The following ATG13 variants were observed in gnomAD, a reference collection of about 807,000 sequenced individuals.
ATG13 encodes autophagy-related protein 13.
ATG13 carries 23 observed loss-of-function variants against 65.5 expected under a neutral mutation model. The observed-to-expected ratio is 0.35, with a 90% confidence interval of 0.25 to 0.50. The LOEUF (loss-of-function observed/expected upper bound fraction) is 0.50. ATG13 is among the 20% of genes least tolerant of loss of function. The probability of loss-of-function intolerance (pLI) is 0.98; values close to 1 mark genes in which losing one functional copy is unlikely to be tolerated. For missense variants in ATG13, 566 were observed against 677.0 expected, an observed-to-expected ratio of 0.84 and a Z score of 1.82; for synonymous variants, 252 against 245.2, an observed-to-expected ratio of 1.03 and a Z score of -0.26.
intron 10 of ATG13, 92 bp downstream of exon 10, chr11:46,657,714 C>A: frequency 8.4e-7 from 1 of 1,190,394 alleles, no homozygotes; most frequent in Non-Finnish European, 1.2e-6. Context: ...TCAGCACTCA[C>A]TCTCCAGTGG....
chr11:46,663,918 T>A, intron 11 of ATG13, 79 bp from the exon 12 acceptor site: 1 of 1,087,608 alleles, frequency 9.2e-7, no homozygotes, highest in South Asian at 1.5e-5. Context: ...TTCCAGAGTT[T>A]CTTCACTTCT....
rs1565646750 is a variant in ATG13 at position 46,672,240 on chromosome 11, CTCTT to C, written c.1576-12_1576-9del. ...CTGCCTGAATAAACGGCTCTTCCCT[CTCTT>C]TCCGGTACAGGACTCATTACCAGAG... On this transcript the variant is annotated splice_polypyrimidine_tract_variant and intron_variant, in intron 18 of 18. Transcript: ENST00000683050. 6.2e-7 allele frequency: 1 copy of C among 1,614,086 alleles called. No individual in the cohort carries two copies. Among genetic ancestry groups the C allele is most frequent in the South Asian group, 1.1e-5 (1 of 91,080 alleles).
chr11:46,644,185 C>T, intron 2 of ATG13, 94 bp from the exon 3 acceptor site: 1 of 947,610 alleles, frequency 1.1e-6, no homozygotes, highest in East Asian at 2.8e-5. Flanking sequence ...CATGATTATT[C>T]CTAGGCTAGT....
In ATG13 at chr11:46,657,142, A is replaced by G. The variant is rs748079051; in HGVS notation, c.547A>G (p.Ile183Val). Residue 183 changes from isoleucine to valine, a missense_variant, in exon 9 of 19, where the codon ATC becomes GTC. Coordinates refer to ENST00000683050, the MANE Select transcript of ATG13 (RefSeq NM_001346311.2). ...GACAGTGGGCACCCCTGTGGGCACC[A>G]TCACTCTTTCTTGTGCTTACAGAAT... Reference protein sequence around the residue: ...VGTVGTPVGTITLSCAYRINL... With the variant: ...VGTVGTPVGTVTLSCAYRINL... 6.2e-6 allele frequency: 10 copies of G among 1,614,170 alleles called. No homozygotes were observed. In the East Asian group the frequency reaches 8.9e-5, roughly 14 times the overall value.
rs768570722 is a variant in ATG13, at chr11:46,668,464, G to A, written c.1252-35G>A. On this transcript the variant is annotated intron_variant, in intron 15 of 18. Coordinates refer to ENST00000683050, the MANE Select transcript of ATG13 (RefSeq NM_001346311.2). ...AGGAAGCATGAACACTGCAGGAGGG[G>A]CAGGCATGAATGCTTTTCTCCTGTG... 5.0e-6 allele frequency: 8 copies of A among 1,594,692 alleles called. No individual in the cohort carries two copies. In the Admixed American group the frequency reaches 1.3e-4, roughly 27 times the overall value.
At chr11:46,644,477 G>C in intron 3 of ATG13, 117 bp downstream of exon 3, 1 of 847,252 alleles carries the variant, frequency 1.2e-6, no homozygotes, top group South Asian at 2.0e-5. Flanking sequence ...CCCATTTTAA[G>C]GGATACTTCT....
intron 10 of ATG13, among the ~76,000 whole-genome samples, chr11:46,658,333 G>T (rs2060442783): frequency 6.6e-6 from 1 of 152,128 alleles, no homozygotes; most frequent in African/African-American, 2.4e-5. Context: ...TACTTGTTTC[G>T]TGGAGTCTCT....
At chr11:46,652,453 G>A (rs1345615921) in intron 7 of ATG13, among the ~76,000 whole-genome samples, 1 of 152,078 alleles carries the variant, frequency 6.6e-6, no homozygotes, top group Non-Finnish European at 1.5e-5. Context: ...AGTGACTCAC[G>A]CCTATAATCC....
intron 1 of ATG13, among the ~76,000 whole-genome samples, chr11:46,627,774 T>C (rs1378637453): frequency 1.3e-5 from 2 of 152,086 alleles, no homozygotes; most frequent in Non-Finnish European, 2.9e-5. Context: ...CCACCGTGCC[T>C]GGCCTGAATT....
At chr11:46,643,029 T>A (rs1297593366) in intron 2 of ATG13, among the ~76,000 whole-genome samples, 2 of 152,206 alleles carry the variant, frequency 1.3e-5, no homozygotes, top group Non-Finnish European at 2.9e-5. Flanking sequence ...AGTGCCTAGG[T>A]TCAGAGTCAG....
At chr11:46,651,907 C>T (rs940796619) in intron 7 of ATG13, among the ~76,000 whole-genome samples, 1 of 152,104 alleles carries the variant, frequency 6.6e-6, no homozygotes, top group Non-Finnish European at 1.5e-5. Context: ...ACTGCTAGTC[C>T]TTTTCATACC....
intron 17 of ATG13, 59 bp from the exon 18 acceptor site, chr11:46,669,345 A>G: frequency 6.3e-7 from 1 of 1,593,436 alleles, no homozygotes. Flanking sequence ...AGACTTGTTC[A>G]TAGCTTATCT....
chr11:46,671,188 G>A (rs542052259), intron 18 of ATG13, among the ~76,000 whole-genome samples: 1 of 152,088 alleles, frequency 6.6e-6, no homozygotes, highest in African/African-American at 2.4e-5. Flanking sequence ...GTGTCTCCAG[G>A]CCACATTAAA....
intron 7 of ATG13, among the ~76,000 whole-genome samples, chr11:46,650,991 A>G (rs143223486): frequency 6.6e-6 from 1 of 152,346 alleles, no homozygotes. Flanking sequence ...TTTGTCTAAC[A>G]AACTGTTAAC....
chr11:46,623,374 T>C (rs1160680375), intron 1 of ATG13, among the ~76,000 whole-genome samples: 1 of 152,082 alleles, frequency 6.6e-6, no homozygotes, highest in East Asian at 1.9e-4. Context: ...TGGGTGAAAG[T>C]TTTTCTCCAC....
chr11:46,645,311 AT>A (rs1311308233), intron 3 of ATG13, 27 bp from the exon 4 acceptor site: 51 of 1,592,234 alleles, frequency 3.2e-5, no homozygotes, highest in Non-Finnish European at 4.4e-5. Flanking sequence ...TCATTTTAGG[AT>A]TTCTTTTGTG....
chr11:46,650,289 C>T lies in ATG13; in HGVS notation c.430C>T (p.Gln144Ter). Residue 144 changes from glutamine (Q) to a stop codon, truncating the protein, a stop_gained, in exon 7 of 19, where the codon CAA (glutamine) becomes TAA (stop). Coordinates refer to ENST00000683050, the MANE Select transcript of ATG13 (RefSeq NM_001346311.2). LOFTEE classifies it high-confidence loss of function. ...ACCAGCCTATAGGCTCTCCAGGAAA[C>T]AAGGGCATGAATATGTCATATTATA... The part of the protein sequence containing the change: ...VTPAYRLSRK[Q>*]GHEYVILYRI... 6.2e-7 allele frequency: 1 copy of T among 1,614,022 alleles called. No homozygotes were observed. The highest frequency in any genetic ancestry group is 8.5e-7 in the Non-Finnish European group (1 of 1,179,996).
intron 7 of ATG13, among the ~76,000 whole-genome samples, chr11:46,655,898 C>G (rs972485181): frequency 1.3e-5 from 2 of 152,088 alleles, no homozygotes; most frequent in Non-Finnish European, 2.9e-5. Context: ...CCATCACACC[C>G]GGCAAAATTA....
chr11:46,622,096 TATATATATATATATATATATATATATATA>T (rs1565397663), intron 1 of ATG13, among the ~76,000 whole-genome samples: 2 of 58,932 alleles, frequency 3.4e-5, no homozygotes, highest in African/African-American at 1.8e-4. Context: ...TATATATATA[TATATATATATATATATATATATATATATA>T]TATTTATTTT....
Sources: allele counts gnomAD v4.1 joint callset (sites outside exome capture counted in the v4.1 genomes callset), GRCh38; gene constraint gnomAD v4.1.1; transcripts MANE v1.5; gene names NCBI Gene and HGNC (gene_info 2026-07-23, HGNC 2026-07-21).